MPP7: variants seen among roughly 807,000 people sequenced by gnomAD.
MPP7 encodes MAGUK p55 subfamily member 7.
Under a neutral mutation model 76.5 loss-of-function variants are expected in MPP7, and 60 were observed. The observed-to-expected ratio is 0.78, with a 90% CI of 0.64 to 0.97. The LOEUF (loss-of-function observed/expected upper bound fraction) is 0.97, where lower values mean the gene tolerates loss of function less well. MPP7 is among the 50% of genes least tolerant of loss of function. MPP7 has a pLI of 0.00. For missense variants in MPP7, 641 were observed against 694.0 expected (o/e 0.92, Z 0.86); for synonymous variants, 237 against 244.5 (o/e 0.97, Z 0.29).
At chr10:28,151,381 ATT>A (rs1835878235) in intron 3 of MPP7, among the ~76,000 whole-genome samples, 1 of 152,214 alleles carries the variant, frequency 6.6e-6, no homozygotes, top group Admixed American at 6.5e-5. Context: ...AACTATGAAC[ATT>A]TAATTTAAAA....
chr10:28,263,506 CG>C (rs1840054519), intron 1 of MPP7, among the ~76,000 whole-genome samples: 1 of 152,160 alleles, frequency 6.6e-6, no homozygotes, highest in Non-Finnish European at 1.5e-5. Flanking sequence ...ACATTTTTCC[CG>C]TCAATGTAGA....
chr10:28,172,172 T>A (rs16928592), intron 3 of MPP7, among the ~76,000 whole-genome samples: 20,174 of 152,212 alleles, frequency 0.13, 2,022 homozygotes, highest in African/African-American at 0.28. Context: ...AGATACCAAA[T>A]CTAATTGTCC....
intron 8 of MPP7, among the ~76,000 whole-genome samples, chr10:28,121,461 A>G (rs1380440333): frequency 6.6e-6 from 1 of 152,112 alleles, no homozygotes; most frequent in Non-Finnish European, 1.5e-5. Context: ...GTGAGCGAGT[A>G]AAATATCCAA....
At chr10:28,104,131 G>T (rs933897990) in intron 11 of MPP7, among the ~76,000 whole-genome samples, 2 of 152,002 alleles carry the variant, frequency 1.3e-5, no homozygotes, top group East Asian at 1.9e-4. Flanking sequence ...GATTTGGCTA[G>T]GTGAAAAGAA....
intron 1 of MPP7, among the ~76,000 whole-genome samples, chr10:28,252,462 T>C (rs919805727): frequency 3.3e-5 from 5 of 152,322 alleles, no homozygotes; most frequent in South Asian, 4.1e-4. Context: ...CCACAGTACA[T>C]AGGCATTTAT....
At chr10:28,093,927 G>C (rs1390294566) in intron 11 of MPP7, among the ~76,000 whole-genome samples, 1 of 152,190 alleles carries the variant, frequency 6.6e-6, no homozygotes, top group Non-Finnish European at 1.5e-5. Flanking sequence ...TTACTGAATG[G>C]AAGTAATTTT....
chr10:28,089,686 G>C lies in MPP7; in HGVS notation c.1108C>G (p.Leu370Val). Residue 370 changes from leucine to valine, a missense_variant, in exon 12 of 17, where the codon CTC becomes GTC. By Grantham distance (32) the Leu-to-Val change is conservative. Transcript: ENST00000683449. ...AAGCACTTACCAACCAAGACAACGA[G>C]TCTGTATTTTTCATTAGTTTGTCGC... Reference protein sequence around the residue: ...YRRQTNEKYRLVVLVGPVGVG... With the variant: ...YRRQTNEKYRVVVLVGPVGVG... 1.2e-6 allele frequency: 2 copies of C among 1,613,068 alleles called. No individual in the cohort carries two copies. The highest frequency in any genetic ancestry group is 1.7e-6 in the Non-Finnish European group (2 of 1,179,556).
chr10:28,169,338 T>C (rs1160268658), intron 3 of MPP7, among the ~76,000 whole-genome samples: 1 of 144,632 alleles, frequency 6.9e-6, no homozygotes, highest in African/African-American at 2.7e-5. Flanking sequence ...AAAAAAAAAA[T>C]TAATTAGCCA....
chr10:28,150,836 A>G (rs1314215504), intron 3 of MPP7, among the ~76,000 whole-genome samples: 1 of 152,164 alleles, frequency 6.6e-6, no homozygotes, highest in Non-Finnish European at 1.5e-5. Flanking sequence ...AATCCCATGT[A>G]AGACACACTG....
chr10:28,060,299 C>T (rs911294830), intron 13 of MPP7, among the ~76,000 whole-genome samples: 2 of 152,190 alleles, frequency 1.3e-5, no homozygotes, highest in Non-Finnish European at 2.9e-5. Flanking sequence ...TATTGAACTT[C>T]TAACCTTTCA....
chr10:28,252,908 C>CT lies in MPP7; in HGVS notation c.-131-14174dup, dbSNP rs889154658. On this transcript the variant is annotated intron_variant, in intron 1 of 16. Transcript: ENST00000683449. Reference sequence around the variant, plus strand: ...AAAGGGTCTTTTCTCATCTGCATTTCTTTTTTTTTGGGAGGGGGGGGCGGA... The same window carrying CT: ...AAAGGGTCTTTTCTCATCTGCATTTCTTTTTTTTTTGGGAGGGGGGGGCGGA... Among the ~76,000 whole-genome samples the CT allele has an allele frequency of 1.5e-3, 223 of 150,182 alleles. 2 individuals carry two copies. The highest frequency in any genetic ancestry group is 5.0e-3 in the African/African-American group (203 of 40,708).
intron 2 of MPP7, among the ~76,000 whole-genome samples, chr10:28,324,595 A>G (rs1834394522): frequency 6.6e-6 from 1 of 152,218 alleles, no homozygotes; most frequent in African/African-American, 2.4e-5. Flanking sequence ...ATATAGGATA[A>G]CCAAATATAC....
At chr10:28,090,479 T>C (rs1308465931) in intron 11 of MPP7, among the ~76,000 whole-genome samples, 1 of 152,192 alleles carries the variant, frequency 6.6e-6, no homozygotes, top group African/African-American at 2.4e-5. Flanking sequence ...CAAGAACTGA[T>C]TGGTAAACAC....
chr10:28,191,876 C>T (rs1030440280), intron 3 of MPP7, among the ~76,000 whole-genome samples: 10 of 152,138 alleles, frequency 6.6e-5, no homozygotes, highest in Admixed American at 2.0e-4. Flanking sequence ...ATAATCCCAG[C>T]ACTTTGGGAA....
intron 2 of MPP7, among the ~76,000 whole-genome samples, chr10:28,231,346 A>T (rs1046114747): frequency 8.6e-5 from 13 of 151,984 alleles, no homozygotes; most frequent in African/African-American, 3.1e-4. Flanking sequence ...CATTAGGAAA[A>T]GGGAAAGATT....
chr10:28,271,772 A>G (rs7072588), intron 1 of MPP7, among the ~76,000 whole-genome samples: 29,885 of 152,004 alleles, frequency 0.2, 3,488 homozygotes, highest in African/African-American at 0.33. Context: ...TCAGGAGATC[A>G]AGACCATCTT....
At chr10:28,222,553 C>T (rs979495561) in intron 2 of MPP7, among the ~76,000 whole-genome samples, 2 of 151,834 alleles carry the variant, frequency 1.3e-5, no homozygotes, top group Admixed American at 6.6e-5. Flanking sequence ...ATGAATATTA[C>T]AATTTTTAAA....
At chr10:28,265,851 A>T (rs1840133985) in intron 1 of MPP7, among the ~76,000 whole-genome samples, 1 of 152,214 alleles carries the variant, frequency 6.6e-6, no homozygotes, top group South Asian at 2.1e-4. Flanking sequence ...GGTTTAAATT[A>T]TATTTTTAAG....
At position 28,131,603 on chromosome 10, in the gene MPP7, T is replaced by C. The variant is rs1835193716; in HGVS notation, c.404A>G (p.Asp135Gly). The C allele has an allele frequency of 4.4e-6, 7 of 1,606,494 alleles. No individual in the cohort carries two copies. The East Asian group carries it at 1.4e-4, about 31-fold the overall frequency. ...GACCAGACGGATTATTTTTACTGAG[T>C]CTTCCTCATCGTCAATATCTTCAGG... is the stretch of plus-strand genomic sequence containing the variant. ...PMPEDIDDEE[D>G]SVKIIRLVKN... The change falls in exon 6 of 17, where the codon GAC becomes GGC. Residue 135 changes from aspartate to glycine, a missense_variant. Coordinates refer to ENST00000683449, the MANE Select transcript of MPP7 (RefSeq NM_001318170.2).
Sources: allele counts gnomAD v4.1 joint callset (sites outside exome capture counted in the v4.1 genomes callset), GRCh38; gene constraint gnomAD v4.1.1; transcripts MANE v1.5; gene names NCBI Gene and HGNC (gene_info 2026-07-23, HGNC 2026-07-21).